CSMD1: variants seen among roughly 807,000 people sequenced by gnomAD.
CSMD1 encodes CUB and sushi domain-containing protein 1.
Under a neutral mutation model 417.5 loss-of-function variants are expected in CSMD1, and 213 were observed. That is an observed-to-expected ratio of 0.51 (90% CI 0.46 to 0.57). The LOEUF is 0.57. Among genes scored for constraint, CSMD1 ranks in the 20% least tolerant of loss-of-function variants. The pLI, the probability that CSMD1 is intolerant of heterozygous loss-of-function variation, is 0.00. For missense variants in CSMD1, 6,923 were observed against 4,529.7 expected, an observed-to-expected ratio of 1.53 and a Z score of -15.17; for synonymous variants, 2,862 against 1,736.8, an observed-to-expected ratio of 1.65 and a Z score of -16.11.
chr8:3,941,240 T>C (rs1238502506), intron 5 of CSMD1, among the ~76,000 whole-genome samples: 1 of 152,166 alleles, frequency 6.6e-6, no homozygotes, highest in Non-Finnish European at 1.5e-5. Flanking sequence ...ATGTATTAAT[T>C]AAACATTTAG....
intron 5 of CSMD1, among the ~76,000 whole-genome samples, chr8:3,944,523 G>A (rs1353014015): frequency 1.3e-5 from 2 of 152,134 alleles, no homozygotes; most frequent in South Asian, 4.2e-4. Flanking sequence ...CAGAGTTTGA[G>A]TTTTAATTAC....
chr8:3,315,640 C>T (rs1157616968), intron 23 of CSMD1, among the ~76,000 whole-genome samples: 1 of 151,894 alleles, frequency 6.6e-6, no homozygotes, highest in Non-Finnish European at 1.5e-5. Context: ...TAAGATACTC[C>T]ACATTTTTAA....
Position 3,438,664 on chromosome 8 carries a change from G to A in CSMD1, c.1562-29059C>T, listed in dbSNP as rs558017747. 2.0e-5 allele frequency among the ~76,000 whole-genome samples: 3 copies of A among 152,224 alleles called. No individual in the cohort carries two copies. In the South Asian group the frequency reaches 6.2e-4, roughly 32 times the overall value. ...TTTGCATCTTCAATGACATTTGGGTGATTTCCTGTCTTTGACTATTATGAC... is the reference window on the plus strand; with the variant it reads ...TTTGCATCTTCAATGACATTTGGGTAATTTCCTGTCTTTGACTATTATGAC... On this transcript the variant is annotated intron_variant, in intron 12 of 69. Transcript: ENST00000635120.
At chr8:3,166,595 G>A (rs1820231960) in intron 37 of CSMD1, among the ~76,000 whole-genome samples, 1 of 152,106 alleles carries the variant, frequency 6.6e-6, no homozygotes, top group Non-Finnish European at 1.5e-5. Flanking sequence ...TTCCTGAAGT[G>A]TTTTAGAAGA....
intron 5 of CSMD1, among the ~76,000 whole-genome samples, chr8:3,897,805 G>C (rs1053818280): frequency 1.3e-5 from 2 of 152,086 alleles, no homozygotes; most frequent in South Asian, 2.1e-4. Flanking sequence ...TATTTGCTTC[G>C]TAAGTTCATC....
intron 1 of CSMD1, among the ~76,000 whole-genome samples, chr8:4,737,640 G>A (rs954152294): frequency 4.6e-5 from 7 of 152,154 alleles, no homozygotes; most frequent in African/African-American, 1.4e-4. Context: ...TTTACCAAAT[G>A]GTTGAGATAA....
intron 41 of CSMD1, among the ~76,000 whole-genome samples, chr8:3,141,140 G>A (rs148805953): frequency 1.3e-5 from 2 of 152,202 alleles, no homozygotes; most frequent in Non-Finnish European, 2.9e-5. Flanking sequence ...AGACTCCCCA[G>A]TTGAGCACAC....
In CSMD1 at chr8:4,625,700, T is replaced by C. The variant is rs567935624; in HGVS notation, c.302+11642A>G. Among the ~76,000 whole-genome samples, 31 of 152,196 alleles carry C rather than the reference T, an allele frequency of 2.0e-4. No individual in the cohort carries two copies. In the South Asian group the frequency reaches 6.2e-3, roughly 31 times the overall value. ...GCAAGCAAATATAATGATTATCGTA[T>C]CCGTAACATATTCAAGACAGGCTTG... On this transcript the variant is annotated intron_variant, in intron 2 of 69. Transcript: ENST00000635120.
intron 26 of CSMD1, among the ~76,000 whole-genome samples, chr8:3,260,216 C>G (rs888539446): frequency 3.3e-5 from 5 of 152,156 alleles, no homozygotes; most frequent in Admixed American, 1.3e-4. Context: ...GAATTGAACT[C>G]TTTATGCATA....
At chr8:3,093,859 A>T (rs996245008) in intron 47 of CSMD1, among the ~76,000 whole-genome samples, 2 of 152,204 alleles carry the variant, frequency 1.3e-5, no homozygotes, top group Admixed American at 6.5e-5. Context: ...AGATCTCACT[A>T]TGAAAAATGT....
At chr8:3,987,404 AC>A (rs1306706606) in intron 5 of CSMD1, among the ~76,000 whole-genome samples, 3 of 152,326 alleles carry the variant, frequency 2.0e-5, no homozygotes, top group African/African-American at 4.8e-5. Flanking sequence ...ACTAATGGAT[AC>A]AGGGGTTGTC....
intron 5 of CSMD1, among the ~76,000 whole-genome samples, chr8:3,936,215 A>T (rs1254371677): frequency 1.3e-5 from 2 of 152,076 alleles, no homozygotes; most frequent in Admixed American, 1.3e-4. Flanking sequence ...TGCGTAACAT[A>T]AAAGGGCAAG....
chr8:3,162,438 A>T (rs1819957152), intron 37 of CSMD1, among the ~76,000 whole-genome samples, 161 bp from the exon 38 acceptor site: 1 of 152,228 alleles, frequency 6.6e-6, no homozygotes, highest in South Asian at 2.1e-4. Context: ...GAGTACCTTT[A>T]AATCAGAGCT....
chr8:4,084,130 T>C (rs1172802036), intron 3 of CSMD1, among the ~76,000 whole-genome samples: 1 of 152,198 alleles, frequency 6.6e-6, no homozygotes, highest in East Asian at 1.9e-4. Flanking sequence ...TGTCTGCTCT[T>C]ATGACTAAAT....
chr8:3,200,424 G>A (rs955402294), intron 32 of CSMD1, among the ~76,000 whole-genome samples: 3 of 151,718 alleles, frequency 2.0e-5, no homozygotes, highest in African/African-American at 7.3e-5. Flanking sequence ...GCGTGGTGGT[G>A]CATGCCTGTA....
intron 7 of CSMD1, among the ~76,000 whole-genome samples, chr8:3,633,037 T>G (rs973354664): frequency 6.6e-6 from 1 of 152,246 alleles, no homozygotes; most frequent in Non-Finnish European, 1.5e-5. Context: ...TAACTGATAC[T>G]TTTAGTGTTA....
intron 23 of CSMD1, among the ~76,000 whole-genome samples, chr8:3,320,570 T>C (rs1045599358): frequency 1.3e-5 from 2 of 152,200 alleles, no homozygotes; most frequent in African/African-American, 4.8e-5. Flanking sequence ...TCCCACCATA[T>C]GTAAGAATTC....
chr8:3,303,197 T>C (rs1250155828), intron 25 of CSMD1, among the ~76,000 whole-genome samples: 2 of 152,178 alleles, frequency 1.3e-5, no homozygotes, highest in Non-Finnish European at 2.9e-5. Context: ...GTCAGGAAAA[T>C]TCTCCAACCC....
chr8:4,655,753 C>A (rs1350596281), intron 1 of CSMD1, among the ~76,000 whole-genome samples: 1 of 152,226 alleles, frequency 6.6e-6, no homozygotes, highest in South Asian at 2.1e-4. Context: ...CAGCTACTCA[C>A]ACTAATAGTA....
Sources: allele counts gnomAD v4.1 joint callset (sites outside exome capture counted in the v4.1 genomes callset), GRCh38; gene constraint gnomAD v4.1.1; transcripts MANE v1.5; gene names NCBI Gene and HGNC (gene_info 2026-07-23, HGNC 2026-07-21).